CILP2: variants seen among roughly 807,000 people sequenced by gnomAD.
CILP2 encodes CILP-2.
CILP2 carries 38 observed loss-of-function variants against 45.6 expected under a neutral mutation model. The observed-to-expected ratio is 0.83, with a 90% CI of 0.64 to 1.09. The LOEUF is 1.09. Among genes scored for constraint, CILP2 ranks in the 50% least tolerant of loss-of-function variants. The probability of loss-of-function intolerance (pLI) is 0.00; values close to 1 mark genes in which losing one functional copy is unlikely to be tolerated. For missense variants in CILP2, 1,735 were observed against 1,662.2 expected, an observed-to-expected ratio of 1.04 and a Z score of -0.76; for synonymous variants, 780 against 723.5, an observed-to-expected ratio of 1.08 and a Z score of -1.25.
At chr19:19,543,105 C>A in intron 6 of CILP2, 133 bp downstream of exon 6, 1 of 1,026,192 alleles carries the variant, frequency 9.7e-7, no homozygotes, top group Non-Finnish European at 1.5e-6. Context: ...GGGAGAGGGA[C>A]TACCAAGGAG....
In CILP2 at chr19:19,541,120, G is replaced by T; in HGVS notation, c.466G>T (p.Gly156Cys). The change falls in exon 4 of 8, where the codon GGT (glycine) becomes TGT (cysteine). Residue 156 changes from glycine (G) to cysteine (C), a missense_variant. By Grantham distance (159) the Gly-to-Cys change is radical. Transcript: ENST00000291495. ...EASWGAWGPW[G>C]PCSGSCGPGR... ...CTCGTGGGGCGCGTGGGGCCCGTGG[G>T]GTCCCTGCTCGGGGAGCTGTGGGCC... is the stretch of plus-strand genomic sequence containing the variant. The T allele has an allele frequency of 7.9e-7, 1 of 1,261,672 alleles. No homozygotes were observed. Among genetic ancestry groups the T allele is most frequent in the South Asian group, 3.5e-5 (1 of 28,658 alleles). 78.2% of individuals were successfully genotyped at this position (1,261,672 alleles called of 1,614,324 possible).
In CILP2 at chr19:19,540,402, T is replaced by A; in HGVS notation, c.362T>A (p.Phe121Tyr). 3 of 1,516,984 alleles carry A rather than the reference T, an allele frequency of 2.0e-6. No individual in the cohort carries two copies. Among genetic ancestry groups the A allele is most frequent in the Non-Finnish European group, 2.6e-6 (3 of 1,136,222 alleles). 94.0% of individuals were successfully genotyped at this position (1,516,984 alleles called of 1,614,324 possible). ...ERVHLNPTRG[F>Y]WCLNREQPRG... is the part of the protein sequence containing the mutation. Reference sequence around the variant, plus strand: ...GTGCACTTGAACCCCACGCGCGGCTTCTGGTGCCTCAACCGCGAGCAACCG... The same window carrying A: ...GTGCACTTGAACCCCACGCGCGGCTACTGGTGCCTCAACCGCGAGCAACCG... Residue 121 changes from phenylalanine (F) to tyrosine (Y), a missense_variant, in exon 3 of 8, where the codon TTC (phenylalanine) becomes TAC (tyrosine). Physicochemically the swap from Phe to Tyr is conservative, Grantham distance 22. Coordinates refer to ENST00000291495, the MANE Select transcript of CILP2 (RefSeq NM_153221.2).
At position 19,540,432 on chromosome 19, in the gene CILP2, GC is replaced by G; in HGVS notation, c.394del (p.Arg132AlafsTer14). 6.8e-7 allele frequency: 1 copy of G among 1,479,224 alleles called. No individual in the cohort carries two copies. The highest frequency in any genetic ancestry group is 2.6e-5 in the East Asian group (1 of 37,830). 91.6% of individuals were successfully genotyped at this position (1,479,224 alleles called of 1,614,324 possible). Reference protein sequence around the residue: ...FWCLNREQPRGRRCSNYHVRF... With the variant: ...FWCLNREQPRXRRCSNYHVRF... ...TGCCTCAACCGCGAGCAACCGCGTG[GC>G]CGCCGCTGCTCCAACTACCACGTGC... On this transcript the variant is annotated frameshift_variant, in exon 3 of 8. Coordinates refer to ENST00000291495, the MANE Select transcript of CILP2 (RefSeq NM_153221.2). LOFTEE classifies it high-confidence loss of function.
rs535035524 is a variant in CILP2 at position 19,543,942 on chromosome 19, A to C, written c.1397A>C (p.Gln466Pro). The C allele has an allele frequency of 6.2e-7, 1 of 1,613,458 alleles. No individual in the cohort carries two copies. Among genetic ancestry groups the C allele is most frequent in the East Asian group, 2.2e-5 (1 of 44,844 alleles). ...AAGGTGGTGGCAGAGTGTGGCTGCCAGAAGTGTCTGCCCCCTCGGGGGCTG... is the reference window on the plus strand; with the variant it reads ...AAGGTGGTGGCAGAGTGTGGCTGCCCGAAGTGTCTGCCCCCTCGGGGGCTG... ...PVKVVAECGCQKCLPPRGLVR... is the reference protein window; with the variant it reads ...PVKVVAECGCPKCLPPRGLVR... Residue 466 changes from glutamine (Q) to proline (P), a missense_variant, in exon 8 of 8, where the codon CAG (glutamine) becomes CCG (proline). Physicochemically the swap from Gln to Pro is moderately conservative, Grantham distance 76. Transcript: ENST00000291495.
chr19:19,543,827 C>A lies in CILP2; in HGVS notation c.1282C>A (p.Pro428Thr), dbSNP rs569766569. Reference sequence around the variant, plus strand: ...CTGCCCCAGCCTGGCAGGCTCCAGCCCCCGCTGCGGGGACGCCAGCTCCCG... The same window carrying A: ...CTGCCCCAGCCTGGCAGGCTCCAGCACCCGCTGCGGGGACGCCAGCTCCCG... ...TRCPSLAGSS[P>T]RCGDASSRCC... is the part of the protein sequence containing the mutation. The change falls in exon 8 of 8, where the codon CCC becomes ACC. Residue 428 changes from proline (P) to threonine (T), a missense_variant. Transcript: ENST00000291495. 6.2e-7 allele frequency: 1 copy of A among 1,613,796 alleles called. No homozygotes were observed. Among genetic ancestry groups the A allele is most frequent in the African/African-American group, 1.3e-5 (1 of 75,062 alleles).
chr19:19,546,001 T>G lies in CILP2; in HGVS notation c.3456T>G (p.Gly1152=), dbSNP rs1474059184. ...RASGPLRTRR[G]RVRQ ...CAGGTCCCCTCCGCACCCGCCGGGG[T>G]AGGGTCCGGCAGTGACCTGGGCAGG... The change falls in exon 8 of 8, where the codon GGT becomes GGG. Residue 1152 remains glycine (G), a synonymous_variant. Coordinates refer to ENST00000291495, the MANE Select transcript of CILP2 (RefSeq NM_153221.2). 2 of 1,492,924 alleles carry G rather than the reference T, an allele frequency of 1.3e-6. No individual in the cohort carries two copies. The highest frequency in any genetic ancestry group is 1.4e-5 in the African/African-American group (1 of 71,270). 92.5% of individuals were successfully genotyped at this position (1,492,924 alleles called of 1,614,324 possible). A position where few individuals can be genotyped will look rare whatever the true frequency, so the allele number is the denominator to read the frequency against.
In CILP2 at chr19:19,544,284, C is replaced by T; in HGVS notation, c.1739C>T (p.Pro580Leu). ...CTGGGCGAGCTGGAAGATGAGGCGC[C>T]CCTGGGCGAGCTGGTCCTGCCTTCT... is the stretch of plus-strand genomic sequence containing the variant. ...IPLGELEDEA[P>L]LGELVLPSGA... Residue 580 changes from proline to leucine, a missense_variant, in exon 8 of 8, where the codon CCC becomes CTC. Coordinates refer to ENST00000291495, the MANE Select transcript of CILP2 (RefSeq NM_153221.2). 4.3e-6 allele frequency: 7 copies of T among 1,613,444 alleles called. No individual in the cohort carries two copies. Among genetic ancestry groups the T allele is most frequent in the Non-Finnish European group, 5.1e-6 (6 of 1,180,010 alleles).
chr19:19,541,049 TG>T, intron 3 of CILP2, 41 bp from the exon 4 acceptor site: 1 of 1,243,318 alleles, frequency 8.0e-7, no homozygotes, highest in Non-Finnish European at 1.0e-6. Context: ...GCGCAGTTCC[TG>T]GGGAGGGCGG....
chr19:19,540,684 A>C, intron 3 of CILP2: 1 of 604,176 alleles, frequency 1.7e-6, no homozygotes, highest in East Asian at 3.3e-5. Context: ...CGCTGGGAAC[A>C]GCGCGGGGCC....
rs542934564 is a variant in CILP2, at chr19:19,541,182, C to T, written c.528C>T (p.Pro176=). 147 of 1,268,168 alleles carry T rather than the reference C, an allele frequency of 1.2e-4. No individual in the cohort carries two copies. Among genetic ancestry groups the T allele is most frequent in the Non-Finnish European group, 1.3e-4 (132 of 1,005,806 alleles). The allele number at this position is 1,268,168 out of a possible 1,614,324, so 78.6% of individuals were successfully genotyped here. ...TGCGCCGCCGCCACTGCCCAAGCCCCGCTGGGGATGCGTGTCCCGGGCGTC... is the reference window on the plus strand; with the variant it reads ...TGCGCCGCCGCCACTGCCCAAGCCCTGCTGGGGATGCGTGTCCCGGGCGTC... ...RRLRRRHCPS[P]AGDACPGRPL... Residue 176 remains proline, a synonymous_variant, in exon 4 of 8, where the codon CCC becomes CCT. Coordinates refer to ENST00000291495, the MANE Select transcript of CILP2 (RefSeq NM_153221.2).
Position 19,543,813 on chromosome 19 carries a change from T to TGGCAGGCTCCAGCCC in CILP2, c.1269_1283dup (p.Ala424_Pro428dup). 1 of 1,613,802 alleles carries TGGCAGGCTCCAGCCC rather than the reference T, an allele frequency of 6.2e-7. No individual in the cohort carries two copies. The highest frequency in any genetic ancestry group is 8.5e-7 in the Non-Finnish European group (1 of 1,179,898). On this transcript the variant is annotated inframe_insertion, in exon 8 of 8. Transcript: ENST00000291495. ...TGTCCCGACACCCGCTGCCCCAGCCTGGCAGGCTCCAGCCCCCGCTGCGGG... is the reference window on the plus strand; with the variant it reads ...TGTCCCGACACCCGCTGCCCCAGCCTGGCAGGCTCCAGCCCGGCAGGCTCCAGCCCCCGCTGCGGG...
At position 19,544,324 on chromosome 19, in the gene CILP2, A is replaced by G. The variant is rs2144679041; in HGVS notation, c.1779A>G (p.Arg593=). The G allele has an allele frequency of 1.2e-6, 2 of 1,612,254 alleles. No individual in the cohort carries two copies. Among genetic ancestry groups the G allele is most frequent in the Non-Finnish European group, 1.7e-6 (2 of 1,179,928 alleles). The change falls in exon 8 of 8, where the codon AGA becomes AGG. Residue 593 remains arginine, a synonymous_variant. Transcript: ENST00000291495. Reference sequence around the variant, plus strand: ...TCCTGCCTTCTGGCGCTTTCCGCAGAGCCGACGGCAAACCCTACTCGGGGC... The same window carrying G: ...TCCTGCCTTCTGGCGCTTTCCGCAGGGCCGACGGCAAACCCTACTCGGGGC... ...ELVLPSGAFR[R]ADGKPYSGPV...
At position 19,545,564 on chromosome 19, in the gene CILP2, A is replaced by G; in HGVS notation, c.3019A>G (p.Arg1007Gly). 1 of 1,611,586 alleles carries G rather than the reference A, an allele frequency of 6.2e-7. No homozygotes were observed. Among genetic ancestry groups the G allele is most frequent in the Non-Finnish European group, 8.5e-7 (1 of 1,179,402 alleles). ...GMLFDQRQVD[R>G]TLVTIMPQGS... Reference sequence around the variant, plus strand: ...GCTGTTCGACCAGCGGCAGGTGGACAGGACGCTGGTGACCATTATGCCCCA... The same window carrying G: ...GCTGTTCGACCAGCGGCAGGTGGACGGGACGCTGGTGACCATTATGCCCCA... Residue 1007 changes from arginine to glycine, a missense_variant, in exon 8 of 8, where the codon AGG becomes GGG. By Grantham distance (125) the Arg-to-Gly change is moderately radical. Coordinates refer to ENST00000291495, the MANE Select transcript of CILP2 (RefSeq NM_153221.2).
chr19:19,544,808 G>C lies in CILP2; in HGVS notation c.2263G>C (p.Val755Leu). 13 of 1,604,318 alleles carry C rather than the reference G, an allele frequency of 8.1e-6. No individual in the cohort carries two copies. Among genetic ancestry groups the C allele is most frequent in the Non-Finnish European group, 1.1e-5 (13 of 1,179,584 alleles). ...ANDKFTPSEQ[V>L]EGVVVTLVNL... ...CGACAAGTTCACCCCCAGCGAGCAG[G>C]TGGAGGGCGTGGTGGTCACGCTGGT... Residue 755 changes from valine to leucine, a missense_variant, in exon 8 of 8, where the codon GTG becomes CTG. By Grantham distance (32) the Val-to-Leu change is conservative. Coordinates refer to ENST00000291495, the MANE Select transcript of CILP2 (RefSeq NM_153221.2).
chr19:19,543,637 A>C lies in CILP2; in HGVS notation c.1136-44A>C. ...GAGTCCCCAGCCTTGGCCTCCATGA[A>C]GTCCTCCTCCCTGCCCTGACCTGCA... On this transcript the variant is annotated intron_variant, in intron 7 of 7. Coordinates refer to ENST00000291495, the MANE Select transcript of CILP2 (RefSeq NM_153221.2). 3 of 1,539,362 alleles carry C rather than the reference A, an allele frequency of 1.9e-6. No individual in the cohort carries two copies. In the East Asian group the frequency reaches 6.8e-5, roughly 35 times the overall value.
chr19:19,544,182 G>GCCATGCGGAACCT lies in CILP2; in HGVS notation c.1638_1639insCATGCGGAACCTC (p.Val547HisfsTer36). ...TTGCCTTTTGATCCTCGAGGTGCCG[G>GCCATGCGGAACCT]CGTGTACCACGAGGTCAAGGCCATG... is the stretch of plus-strand genomic sequence containing the variant. On this transcript the variant is annotated frameshift_variant, in exon 8 of 8. Transcript: ENST00000291495. LOFTEE classifies it low-confidence loss of function (END_TRUNC). 1 of 1,613,796 alleles carries GCCATGCGGAACCT rather than the reference G, an allele frequency of 6.2e-7. No homozygotes were observed. The highest frequency in any genetic ancestry group is 8.5e-7 in the Non-Finnish European group (1 of 1,179,856).
At chr19:19,538,442 C>T (rs994922712) in intron 1 of CILP2, 29 bp downstream of exon 1, 1 of 1,476,764 alleles carries the variant, frequency 6.8e-7, no homozygotes, top group Non-Finnish European at 8.9e-7. Context: ...CCGCGCCCAG[C>T]CCCTGAGGCT....
rs1444932838 is a variant in CILP2, at chr19:19,544,172, C to G, written c.1627C>G (p.Arg543Gly). ...DAVRVLPFDP[R>G]GAGVYHEVKA... is the part of the protein sequence containing the mutation. ...TGTCCGGGTCTTGCCTTTTGATCCT[C>G]GAGGTGCCGGCGTGTACCACGAGGT... The change falls in exon 8 of 8, where the codon CGA becomes GGA. Residue 543 changes from arginine (R) to glycine (G), a missense_variant. Physicochemically the swap from Arg to Gly is moderately radical, Grantham distance 125 (BLOSUM62 -2). Transcript: ENST00000291495. 2 of 1,613,602 alleles carry G rather than the reference C, an allele frequency of 1.2e-6. No individual in the cohort carries two copies. Among genetic ancestry groups the G allele is most frequent in the African/African-American group, 2.7e-5 (2 of 74,918 alleles).
chr19:19,543,952 G>T lies in CILP2; in HGVS notation c.1407G>T (p.Leu469=), dbSNP rs1568369828. The T allele has an allele frequency of 1.9e-6, 3 of 1,613,380 alleles. No individual in the cohort carries two copies. The change falls in exon 8 of 8, where the codon CTG becomes CTT. Residue 469 remains leucine (L), a synonymous_variant. Transcript: ENST00000291495. ...VVAECGCQKC[L]PPRGLVRGRV... is the part of the protein sequence containing the mutation. ...CAGAGTGTGGCTGCCAGAAGTGTCT[G>T]CCCCCTCGGGGGCTGGTCCGGGGCC...
Sources: gnomAD v4.1 joint callset for allele counts on GRCh38, gnomAD v4.1.1 for gene constraint, MANE v1.5 for transcripts, NCBI Gene and HGNC (gene_info 2026-07-23, HGNC 2026-07-21) for gene names.